The following PPAT variants were observed in gnomAD, a reference collection of about 807,000 sequenced individuals.
PPAT encodes phosphoribosyl pyrophosphate amidotransferase.
Under a neutral mutation model 60.2 loss-of-function variants are expected in PPAT, and 20 were observed. The ratio of observed to expected loss-of-function variants is 0.33; its 90% CI spans 0.23 to 0.48. The LOEUF (loss-of-function observed/expected upper bound fraction) is 0.48. Ranked by LOEUF, PPAT falls within the 20% of genes least tolerant of loss-of-function variation. PPAT has a pLI of 0.99. For missense variants in PPAT, 349 were observed against 629.6 expected (o/e 0.55, Z 4.77); for synonymous variants, 194 against 215.1 (o/e 0.90, Z 0.86).
At chr4:56,417,366 A>G (rs1410943977) in intron 1 of PPAT, among the ~76,000 whole-genome samples, 3 of 152,218 alleles carry the variant, frequency 2.0e-5, no homozygotes, top group Admixed American at 1.3e-4. Flanking sequence ...CAAATGCTAT[A>G]AAGTTTTTTT....
chr4:56,434,534 A>C (rs1449420962), intron 1 of PPAT, among the ~76,000 whole-genome samples: 1 of 152,110 alleles, frequency 6.6e-6, no homozygotes, highest in Non-Finnish European at 1.5e-5. Context: ...AAGCAAAGTA[A>C]TTTTTTTTAA....
chr4:56,407,546 G>C (rs565628187), intron 2 of PPAT, 104 bp downstream of exon 2: 1 of 871,310 alleles, frequency 1.1e-6, no homozygotes, highest in South Asian at 1.4e-5. Context: ...TTGAACTCCC[G>C]ACCTCAGGTG....
At chr4:56,425,124 G>T (rs1344025707) in intron 1 of PPAT, among the ~76,000 whole-genome samples, 2 of 152,052 alleles carry the variant, frequency 1.3e-5, no homozygotes, top group Non-Finnish European at 2.9e-5. Context: ...GCCAGCAGGG[G>T]GCATTAAGGA....
At chr4:56,405,308 T>C (rs961222503) in intron 3 of PPAT, among the ~76,000 whole-genome samples, 10 of 152,216 alleles carry the variant, frequency 6.6e-5, no homozygotes, top group African/African-American at 2.4e-4. Context: ...TTTTATGCTT[T>C]TGTGATATGT....
intron 1 of PPAT, chr4:56,423,007 G>A (rs893441702): frequency 1.2e-4 from 19 of 152,096 alleles, no homozygotes; most frequent in African/African-American, 4.6e-4. Context: ...ATTACCCTCT[G>A]GTATAGGGCA....
At chr4:56,420,034 G>A in intron 1 of PPAT, 1 of 979,848 alleles carries the variant, frequency 1.0e-6, no homozygotes, top group Non-Finnish European at 1.2e-6. Flanking sequence ...GTAAAAATGG[G>A]AGAGGACCAG....
intron 2 of PPAT, 24 bp downstream of exon 2, chr4:56,407,626 A>G (rs890857085): frequency 5.7e-6 from 9 of 1,570,682 alleles, no homozygotes; most frequent in East Asian, 4.5e-5. Context: ...TCTGTCATCA[A>G]CATTTCTTAA....
Position 56,399,343 on chromosome 4 carries a change from T to A in PPAT, c.1072A>T (p.Ile358Phe). ...TGTCTTAACCTCATGTTTGGCTGAA[T>A]GAAGGTTCTCCCTACATACCGGTTT... Reference protein sequence around the residue: ...CKNRYVGRTFIQPNMRLRQLG... With the variant: ...CKNRYVGRTFFQPNMRLRQLG... The change falls in exon 9 of 11, where the codon ATT becomes TTT. Residue 358 changes from isoleucine (I) to phenylalanine (F), a missense_variant. Ile to Phe is a conservative substitution (Grantham distance 21, BLOSUM62 0). Around this residue, in one of 5 missense-constraint regions of PPAT, gnomAD observed 167 missense variants for 328.6 expected, o/e 0.51. Transcript: ENST00000264220. 3.1e-6 allele frequency: 5 copies of A among 1,614,038 alleles called. No homozygotes were observed. Among genetic ancestry groups the A allele is most frequent in the Non-Finnish European group, 4.2e-6 (5 of 1,179,948 alleles).
At chr4:56,400,334 A>G (rs1390730154) in intron 8 of PPAT, 1 of 152,552 alleles carries the variant, frequency 6.6e-6, no homozygotes, top group African/African-American at 2.4e-5. Flanking sequence ...GCAAGAATAC[A>G]GCATATAATA....
chr4:56,416,818 C>T (rs904972902), intron 1 of PPAT, among the ~76,000 whole-genome samples: 12 of 152,004 alleles, frequency 7.9e-5, no homozygotes, highest in Non-Finnish European at 1.6e-4. Context: ...TTTGAATCAC[C>T]CAATGAATTA....
At chr4:56,410,081 T>C (rs1449727454) in intron 1 of PPAT, among the ~76,000 whole-genome samples, 2 of 152,178 alleles carry the variant, frequency 1.3e-5, no homozygotes, top group African/African-American at 4.8e-5. Flanking sequence ...CTGTGGGGTC[T>C]GTAAGTTAAC....
chr4:56,403,203 AT>A lies in PPAT; in HGVS notation c.516-19del. On this transcript the variant is annotated intron_variant, in intron 4 of 10. Transcript: ENST00000264220. ...TTTTAATCCTGGAATTAATTAAATAATTGAATGAATAACTTCAGTTATAAAC... is the reference window on the plus strand; with the variant it reads ...TTTTAATCCTGGAATTAATTAAATAATGAATGAATAACTTCAGTTATAAAC... 6.3e-7 allele frequency: 1 copy of A among 1,599,356 alleles called. No individual in the cohort carries two copies.
At chr4:56,435,074 C>G (rs576896548) in intron 1 of PPAT, among the ~76,000 whole-genome samples, 2 of 152,280 alleles carry the variant, frequency 1.3e-5, no homozygotes, top group East Asian at 3.9e-4. Context: ...AGCTGGCCAG[C>G]CTCTGGATGG....
intron 3 of PPAT, among the ~76,000 whole-genome samples, chr4:56,405,874 A>G (rs2110040475): frequency 6.6e-6 from 1 of 152,354 alleles, no homozygotes; most frequent in South Asian, 2.1e-4. Flanking sequence ...GGAACTCCCA[A>G]TTTATAACTG....
At chr4:56,405,494 G>A (rs1578116807) in intron 3 of PPAT, among the ~76,000 whole-genome samples, 2 of 152,218 alleles carry the variant, frequency 1.3e-5, no homozygotes, top group South Asian at 2.1e-4. Flanking sequence ...CAACCAGAGG[G>A]TTGGAGCTTC....
intron 1 of PPAT, among the ~76,000 whole-genome samples, chr4:56,424,787 T>A (rs1409293228): frequency 6.6e-6 from 1 of 152,222 alleles, no homozygotes; most frequent in African/African-American, 2.4e-5. Flanking sequence ...AAAATTGACT[T>A]AATTCCGCTC....
intron 1 of PPAT, among the ~76,000 whole-genome samples, chr4:56,419,314 C>T (rs921874731): frequency 1.3e-5 from 2 of 151,978 alleles, no homozygotes; most frequent in Non-Finnish European, 2.9e-5. Context: ...TTCCACTATA[C>T]ACTGACATAC....
intron 3 of PPAT, among the ~76,000 whole-genome samples, chr4:56,404,613 A>C (rs1418442862): frequency 3.3e-5 from 5 of 152,170 alleles, no homozygotes; most frequent in Non-Finnish European, 5.9e-5. Flanking sequence ...GGAAACAGTG[A>C]GTTAGTGGTT....
chr4:56,407,600 G>T, intron 2 of PPAT, 50 bp downstream of exon 2: 1 of 1,454,154 alleles, frequency 6.9e-7, no homozygotes. Flanking sequence ...TTACAGGCAT[G>T]AACCACCGCA....
Sources: gnomAD v4.1 joint callset for allele counts (sites outside exome capture counted in the v4.1 genomes callset) on GRCh38, gnomAD v4.1.1 for gene constraint, gnomAD v4.1.1 regional missense constraint, MANE v1.5 for transcripts, NCBI Gene and HGNC (gene_info 2026-07-23, HGNC 2026-07-21) for gene names.